The following LRBA variants were observed in gnomAD, a reference collection of about 807,000 sequenced individuals.
LRBA encodes the protein lipopolysaccharide-responsive and beige-like anchor protein.
Under a neutral mutation model 330.0 loss-of-function variants are expected in LRBA, and 176 were observed. The ratio of observed to expected loss-of-function variants is 0.53; its 90% CI spans 0.47 to 0.60. LRBA has a LOEUF of 0.60. LRBA is among the 20% of genes least tolerant of loss of function. LRBA has a pLI of 0.00. For missense variants in LRBA, 3,259 were observed against 3,444.8 expected (o/e 0.95, Z 1.35); for synonymous variants, 1,230 against 1,193.0 (o/e 1.03, Z -0.64).
chr4:150,878,646 A>T (rs1013236080), intron 17 of LRBA, among the ~76,000 whole-genome samples: 5 of 152,064 alleles, frequency 3.3e-5, no homozygotes, highest in African/African-American at 1.2e-4. Context: ...ATCAGAAATG[A>T]CAAAGTTGAT....
At chr4:150,656,461 T>C (rs866013250) in intron 37 of LRBA, among the ~76,000 whole-genome samples, 1 of 152,204 alleles carries the variant, frequency 6.6e-6, no homozygotes, top group Non-Finnish European at 1.5e-5. Flanking sequence ...ATAAAACCAG[T>C]CTTCAAAGTT....
intron 2 of LRBA, among the ~76,000 whole-genome samples, chr4:150,984,509 C>CA (rs959366541): frequency 4.6e-4 from 61 of 133,142 alleles, no homozygotes; most frequent in African/African-American, 7.5e-4. Context: ...AAGTCCGTCT[C>CA]AAAAAAAAAA....
Position 150,960,923 on chromosome 4 carries a change from A to C in LRBA, c.217-31858T>G, listed in dbSNP as rs902107439. 1.2e-4 allele frequency among the ~76,000 whole-genome samples: 18 copies of C among 149,346 alleles called. 1 individual carries two copies. The highest frequency in any genetic ancestry group is 1.1e-3 in the Admixed American group (16 of 15,184). On this transcript the variant is annotated intron_variant, in intron 2 of 56. Coordinates refer to ENST00000651943, the MANE Select transcript of LRBA (RefSeq NM_001364905.1). ...AACACATTTCTTTCAGTGACTCCTA[A>C]GAAGCTTCTGATGCATAACTAACCT...
At chr4:150,489,113 C>A (rs866770405) in intron 41 of LRBA, among the ~76,000 whole-genome samples, 38 of 40,322 alleles carry the variant, frequency 9.4e-4, no homozygotes, top group South Asian at 2.9e-3. Flanking sequence ...TATTATATAT[C>A]ATATATAATA....
chr4:150,501,652 T>C (rs534854912), intron 40 of LRBA, among the ~76,000 whole-genome samples: 2 of 151,090 alleles, frequency 1.3e-5, no homozygotes, highest in South Asian at 2.1e-4. Context: ...CACATGAACA[T>C]AAACACAGCA....
At chr4:150,425,658 T>C (rs575669583) in intron 46 of LRBA, among the ~76,000 whole-genome samples, 3 of 152,278 alleles carry the variant, frequency 2.0e-5, no homozygotes, top group Admixed American at 2.0e-4. Flanking sequence ...CTCCTTTTAA[T>C]AGTCACCAAT....
At chr4:150,487,246 A>G (rs1008463406) in intron 42 of LRBA, among the ~76,000 whole-genome samples, 2 of 151,032 alleles carry the variant, frequency 1.3e-5, no homozygotes, top group African/African-American at 4.8e-5. Context: ...ATACACACAT[A>G]TACCATTATG....
intron 28 of LRBA, among the ~76,000 whole-genome samples, chr4:150,834,365 T>A (rs1747670381): frequency 1.3e-5 from 2 of 152,204 alleles, no homozygotes; most frequent in Non-Finnish European, 2.9e-5. Flanking sequence ...AAGTATTTCT[T>A]AAATAGTAAG....
chr4:150,830,953 T>C (rs990707353), intron 29 of LRBA, among the ~76,000 whole-genome samples: 1 of 151,686 alleles, frequency 6.6e-6, no homozygotes, highest in Non-Finnish European at 1.5e-5. Flanking sequence ...TTAGTAGAGA[T>C]AGGGTTTTAC....
chr4:150,843,030 G>C (rs1325806637), intron 28 of LRBA, among the ~76,000 whole-genome samples: 3 of 152,248 alleles, frequency 2.0e-5, no homozygotes, highest in Admixed American at 2.0e-4. Context: ...TAGGGTTCGT[G>C]CTCCTATGAG....
At chr4:150,633,107 G>A (rs1025549489) in intron 37 of LRBA, among the ~76,000 whole-genome samples, 1 of 152,176 alleles carries the variant, frequency 6.6e-6, no homozygotes, top group Non-Finnish European at 1.5e-5. Flanking sequence ...TAGCAGTTAA[G>A]AACATGAAAT....
intron 37 of LRBA, among the ~76,000 whole-genome samples, chr4:150,604,693 C>T (rs774454350): frequency 1.3e-5 from 2 of 152,104 alleles, no homozygotes; most frequent in Non-Finnish European, 2.9e-5. Context: ...GGGCACTTTT[C>T]ACATCAAAAT....
rs368875179 is a variant in LRBA at position 150,484,460 on chromosome 4, CTTTA to C, written c.6551+3268_6551+3271del. On this transcript the variant is annotated intron_variant, in intron 42 of 56. Coordinates refer to ENST00000651943, the MANE Select transcript of LRBA (RefSeq NM_001364905.1). The stretch of plus-strand genomic sequence containing the variant: ...TAGCATAAATTTGTTCATAATATTT[CTTTA>C]TTTTTCTTTTAATATCTGTAGTGAT... Among the ~76,000 whole-genome samples, 646 of 151,304 alleles carry C rather than the reference CTTTA, an allele frequency of 4.3e-3. 3 individuals carry two copies. The highest frequency in any genetic ancestry group is 0.015 in the African/African-American group (623 of 41,404).
intron 44 of LRBA, among the ~76,000 whole-genome samples, chr4:150,457,093 C>T (rs1561205167): frequency 6.6e-6 from 1 of 152,010 alleles, no homozygotes. Context: ...ATTAAAAAAA[C>T]TATTTGTCTA....
intron 2 of LRBA, among the ~76,000 whole-genome samples, chr4:150,954,586 T>C (rs1737312508): frequency 6.7e-6 from 1 of 150,046 alleles, no homozygotes; most frequent in South Asian, 2.1e-4. Context: ...TTAAGAGTCA[T>C]CACCACTCCC....
chr4:150,422,083 C>A (rs1364526704), intron 46 of LRBA, among the ~76,000 whole-genome samples: 1 of 152,076 alleles, frequency 6.6e-6, no homozygotes, highest in Non-Finnish European at 1.5e-5. Context: ...CATGGCAAGA[C>A]CCCATCTCTA....
Position 150,592,780 on chromosome 4 carries a change from A to G in LRBA, c.6047-1921T>C, listed in dbSNP as rs72736326. The stretch of plus-strand genomic sequence containing the variant: ...GTGGCTGGGACCACAGGTGCTTGCC[A>G]CCATGCCCAGCTAATTTTTTAATTT... On this transcript the variant is annotated intron_variant, in intron 38 of 56. Transcript: ENST00000651943. Among the ~76,000 whole-genome samples, 249 of 152,160 alleles carry G rather than the reference A, an allele frequency of 1.6e-3. 1 individual carries two copies. The highest frequency in any genetic ancestry group is 3.7e-3 in the Admixed American group (56 of 15,280).
Position 150,325,915 on chromosome 4 carries a change from C to A in LRBA, c.7363-17G>T. 1 of 1,510,838 alleles carries A rather than the reference C, an allele frequency of 6.6e-7. No homozygotes were observed. Among genetic ancestry groups the A allele is most frequent in the South Asian group, 1.1e-5 (1 of 88,384 alleles). 93.6% of individuals were successfully genotyped at this position (1,510,838 alleles called of 1,614,324 possible). Reference sequence around the variant, plus strand: ...TTCAACAGCCTGAAAAGGGCAGGGGCAAGTCTGAAGGTTAAGAGGTGCTAA... The same window carrying A: ...TTCAACAGCCTGAAAAGGGCAGGGGAAAGTCTGAAGGTTAAGAGGTGCTAA... On this transcript the variant is annotated splice_polypyrimidine_tract_variant and intron_variant, in intron 48 of 56. Coordinates refer to ENST00000651943, the MANE Select transcript of LRBA (RefSeq NM_001364905.1).
intron 37 of LRBA, among the ~76,000 whole-genome samples, chr4:150,639,770 T>C (rs1240790865): frequency 2.2e-4 from 1 of 4,620 alleles, no homozygotes; most frequent in Non-Finnish European, 5.2e-4. Flanking sequence ...TATATATATA[T>C]ATATATATAT....
Sources: gnomAD v4.1 joint callset for allele counts (sites outside exome capture counted in the v4.1 genomes callset) on GRCh38, gnomAD v4.1.1 for gene constraint, MANE v1.5 for transcripts, NCBI Gene and HGNC (gene_info 2026-07-23, HGNC 2026-07-21) for gene names.